The following MASTL variants were observed in gnomAD, a reference collection of about 807,000 sequenced individuals.
MASTL encodes microtubule associated serine/threonine kinase like.
A neutral mutation model predicts 82.5 loss-of-function variants in MASTL; 54 were observed. The ratio of observed to expected loss-of-function variants is 0.65; its 90% CI spans 0.53 to 0.82. The LOEUF is 0.82. Ranked by LOEUF, MASTL falls within the 40% of genes least tolerant of loss-of-function variation. MASTL has a pLI of 0.00. For synonymous variants in MASTL, 323 were observed against 368.9 expected, an observed-to-expected ratio of 0.88 and a Z score of 1.43; for missense variants, 950 against 1,047.8, an observed-to-expected ratio of 0.91 and a Z score of 1.29.
In MASTL at chr10:27,186,478, C is replaced by T. The variant is rs2058757703; in HGVS notation, c.2582C>T (p.Ser861Phe). The stretch of plus-strand genomic sequence containing the variant: ...CAGCCAGATGATGAAACAGATACCT[C>T]CTATTTTGAAGCCAGGAATACTGCT... Reference protein sequence around the residue: ...IPQPDDETDTSYFEARNTAQH... With the variant: ...IPQPDDETDTFYFEARNTAQH... The change falls in exon 12 of 12, where the codon TCC becomes TTC. Residue 861 changes from serine (S) to phenylalanine (F), a missense_variant. Transcript: ENST00000375940. 6.2e-7 allele frequency: 1 copy of T among 1,614,126 alleles called. No homozygotes were observed. Among genetic ancestry groups the T allele is most frequent in the African/African-American group, 1.3e-5 (1 of 75,046 alleles).
chr10:27,172,744 C>A (rs866517409), intron 8 of MASTL, among the ~76,000 whole-genome samples: 1 of 152,056 alleles, frequency 6.6e-6, no homozygotes, highest in Non-Finnish European at 1.5e-5. Flanking sequence ...TTCTGTCTTA[C>A]GTGTTGTCTT....
At chr10:27,185,876 G>C (rs976988357) in intron 11 of MASTL, among the ~76,000 whole-genome samples, 4 of 151,752 alleles carry the variant, frequency 2.6e-5, no homozygotes, top group Non-Finnish European at 5.9e-5. Context: ...GATCACCTGA[G>C]GTCAGGAGTT....
chr10:27,161,548 TA>T (rs59116034), intron 4 of MASTL, among the ~76,000 whole-genome samples: 102,417 of 151,056 alleles, frequency 0.68, 34,918 homozygotes, highest in Non-Finnish European at 0.7. Context: ...TATAAAAAAT[TA>T]AAAAAAATGA....
At position 27,169,905 on chromosome 10, in the gene MASTL, G is replaced by A. The variant is rs180699136; in HGVS notation, c.985-39G>A. 31 of 1,604,216 alleles carry A rather than the reference G, an allele frequency of 1.9e-5. No homozygotes were observed. The East Asian group carries it at 6.7e-4, about 35-fold the overall frequency. On this transcript the variant is annotated intron_variant, in intron 7 of 11. Transcript: ENST00000375940. ...ATAGTTAAAAGGTCAATGAATCTCA[G>A]CTTTATATAACTAAAACAAATATTT...
At chr10:27,168,774 G>T (rs1400721838) in intron 7 of MASTL, among the ~76,000 whole-genome samples, 2 of 152,078 alleles carry the variant, frequency 1.3e-5, no homozygotes, top group Non-Finnish European at 2.9e-5. Flanking sequence ...CGGACATCAT[G>T]CCTCCAGACT....
In MASTL at chr10:27,156,829, A is replaced by ATTTT. The variant is rs10660334; in HGVS notation, c.186+1233_186+1236dup. On this transcript the variant is annotated intron_variant, in intron 1 of 11. Coordinates refer to ENST00000375940, the MANE Select transcript of MASTL (RefSeq NM_001172303.3). Reference sequence around the variant, plus strand: ...GCCACCGCGCCCTGCCCTGCTATGAATTTTTTTTTTTTTTTTTTTGAGATA... The same window carrying ATTTT: ...GCCACCGCGCCCTGCCCTGCTATGAATTTTTTTTTTTTTTTTTTTTTTTGAGATA... Among the ~76,000 whole-genome samples the ATTTT allele has an allele frequency of 3.9e-4, 48 of 122,366 alleles. 1 individual carries two copies. The highest frequency in any genetic ancestry group is 1.3e-3 in the African/African-American group (40 of 30,928). The allele number at this position is 122,366 out of a possible 152,430, so 80.3% of individuals were successfully genotyped here.
In MASTL at chr10:27,181,854, C is replaced by T. The variant is rs745944075; in HGVS notation, c.2482+273C>T. ...CTCTGGTAGGCCGAGGCAGGCGGAT[C>T]ACGAGATCAGGAGATCGAGACCATC... On this transcript the variant is annotated intron_variant, in intron 11 of 11. Coordinates refer to ENST00000375940, the MANE Select transcript of MASTL (RefSeq NM_001172303.3). Among the ~76,000 whole-genome samples the T allele has an allele frequency of 3.5e-4, 54 of 152,210 alleles. 1 individual carries two copies. Among genetic ancestry groups the T allele is most frequent in the Middle Eastern group, 6.8e-3 (2 of 294 alleles).
chr10:27,177,577 G>A (rs775788630), intron 9 of MASTL, among the ~76,000 whole-genome samples: 3 of 152,120 alleles, frequency 2.0e-5, no homozygotes, highest in Non-Finnish European at 4.4e-5. Flanking sequence ...TGAGTTTTCC[G>A]TAACTTTATG....
intron 9 of MASTL, among the ~76,000 whole-genome samples, chr10:27,177,258 T>G (rs540314528): frequency 6.6e-6 from 1 of 152,348 alleles, no homozygotes; most frequent in African/African-American, 2.4e-5. Context: ...TTAGTGTTCC[T>G]CTTTCTCGCT....
intron 1 of MASTL, among the ~76,000 whole-genome samples, chr10:27,157,309 T>C (rs185261148): frequency 6.6e-6 from 1 of 152,290 alleles, no homozygotes; most frequent in Admixed American, 6.5e-5. Flanking sequence ...TCAGTTGAAA[T>C]GAAAACACCA....
chr10:27,154,592 C>T, upstream of MASTL: 1 of 344,612 alleles, frequency 2.9e-6, no homozygotes, highest in Non-Finnish European at 5.2e-6. Context: ...TTTTTGGAGA[C>T]GGAGTTTCGT....
At position 27,161,185 on chromosome 10, in the gene MASTL, A is replaced by G; in HGVS notation, c.553+3A>G. The G allele has an allele frequency of 6.6e-7, 1 of 1,512,174 alleles. No individual in the cohort carries two copies. Among genetic ancestry groups the G allele is most frequent in the Non-Finnish European group, 9.2e-7 (1 of 1,087,354 alleles). 93.7% of individuals were successfully genotyped at this position (1,512,174 alleles called of 1,614,324 possible). On this transcript the variant is annotated splice_donor_region_variant and intron_variant, in intron 4 of 11. Coordinates refer to ENST00000375940, the MANE Select transcript of MASTL (RefSeq NM_001172303.3). ...TTCAAAAGTTACTTTGAATAGAGGT[A>G]AGAAAAATATCAAGTAAGTACTTTT... is the stretch of plus-strand genomic sequence containing the variant.
chr10:27,162,870 T>C (rs539038384), intron 4 of MASTL, among the ~76,000 whole-genome samples: 2 of 152,292 alleles, frequency 1.3e-5, no homozygotes, highest in Non-Finnish European at 2.9e-5. Context: ...TTTACTAAGT[T>C]TGGTAAAATC....
intron 10 of MASTL, 116 bp from the exon 11 acceptor site, chr10:27,181,364 C>G (rs1354292891): frequency 1.3e-6 from 1 of 783,118 alleles, no homozygotes; most frequent in African/African-American, 1.7e-5. Context: ...GCACTCCAGC[C>G]TGGGTGACAA....
chr10:27,175,974 G>A (rs547838832), intron 9 of MASTL, among the ~76,000 whole-genome samples: 28 of 152,064 alleles, frequency 1.8e-4, no homozygotes, highest in African/African-American at 6.3e-4. Flanking sequence ...GTGTGCATCT[G>A]TAATCCCAGC....
At chr10:27,158,709 GTTTC>G in intron 2 of MASTL, 23 bp downstream of exon 2, 1 of 1,611,486 alleles carries the variant, frequency 6.2e-7, no homozygotes, top group Non-Finnish European at 8.5e-7. Context: ...TTTTTATGTT[GTTTC>G]TTTATCCATT....
At chr10:27,168,590 G>A (rs1050281125) in intron 7 of MASTL, among the ~76,000 whole-genome samples, 2 of 152,196 alleles carry the variant, frequency 1.3e-5, no homozygotes, top group African/African-American at 4.8e-5. Context: ...GCTAAAGTGG[G>A]TAGATCACCT....
intron 9 of MASTL, among the ~76,000 whole-genome samples, chr10:27,179,833 T>C (rs11015588): frequency 0.6 from 91,794 of 152,010 alleles, 28,001 homozygotes; most frequent in Non-Finnish European, 0.65. Flanking sequence ...ATACCTTGTG[T>C]GGGATACAGA....
intron 4 of MASTL, among the ~76,000 whole-genome samples, chr10:27,162,941 G>C (rs1240599133): frequency 2.0e-5 from 3 of 151,994 alleles, no homozygotes; most frequent in African/African-American, 7.2e-5. Context: ...TTTGGGATGG[G>C]GTTTTTGCTC....
Sources: gnomAD v4.1 joint callset for allele counts (sites outside exome capture counted in the v4.1 genomes callset) on GRCh38, gnomAD v4.1.1 for gene constraint, MANE v1.5 for transcripts, NCBI Gene and HGNC (gene_info 2026-07-23, HGNC 2026-07-21) for gene names.